Variants in DOCK9 observed in about 807,000 individuals in gnomAD.
DOCK9 encodes dedicator of cytokinesis protein 9.
Under a neutral mutation model 263.3 loss-of-function variants are expected in DOCK9, and 89 were observed. That is an observed-to-expected ratio of 0.34 (90% confidence interval 0.28 to 0.40). DOCK9 has a LOEUF of 0.40. DOCK9 is among the 10% of genes least tolerant of loss of function. The pLI is 1.00. For synonymous variants in DOCK9, 976 were observed against 973.1 expected, an observed-to-expected ratio of 1.00 and a Z score of -0.06; for missense variants, 2,140 against 2,603.4, an observed-to-expected ratio of 0.82 and a Z score of 3.87.
chr13:98,986,408 A>C (rs755026470), intron 1 of DOCK9, among the ~76,000 whole-genome samples: 4 of 152,250 alleles, frequency 2.6e-5, no homozygotes, highest in Non-Finnish European at 5.9e-5. Context: ...TTCTGCAAAA[A>C]GGAACACACT....
At chr13:98,833,635 T>C (rs746498882) in intron 39 of DOCK9, among the ~76,000 whole-genome samples, 4 of 152,246 alleles carry the variant, frequency 2.6e-5, no homozygotes, top group Admixed American at 1.3e-4. Context: ...ATTTACATTA[T>C]GTATCCCATA....
At position 99,029,997 on chromosome 13, in the gene DOCK9, G is replaced by T. The variant is rs117656837; in HGVS notation, c.129+56226C>A. 9.7e-3 allele frequency among the ~76,000 whole-genome samples: 1,483 copies of T among 152,332 alleles called. 14 individuals carry two copies. Among genetic ancestry groups the T allele is most frequent in the Non-Finnish European group, 0.017 (1,143 of 68,014 alleles). On this transcript the variant is annotated intron_variant, in intron 1 of 32. Coordinates refer to the DOCK9 transcript ENST00000427887. ...AGTACTGATACATGCTACAAGCACA[G>T]ATACATCTCAAAAGGGACCAGATGC...
intron 45 of DOCK9, among the ~76,000 whole-genome samples, chr13:98,812,985 A>T (rs1386751129): frequency 6.6e-6 from 1 of 152,242 alleles, no homozygotes; most frequent in African/African-American, 2.4e-5. Flanking sequence ...TTGTTTGAAT[A>T]AGATTAAATA....
In DOCK9 at chr13:99,072,753, C is replaced by A. The variant is rs532874522; in HGVS notation, c.129+13470G>T. Among the ~76,000 whole-genome samples, 11 of 152,208 alleles carry A rather than the reference C, an allele frequency of 7.2e-5. No homozygotes were observed. In the South Asian group the frequency reaches 2.3e-3, roughly 32 times the overall value. ...TGGTGGTACACATATGTAATCCTGGCACTTGGGACGCCGAGGCAGGAAGAT... is the reference window on the plus strand; with the variant it reads ...TGGTGGTACACATATGTAATCCTGGAACTTGGGACGCCGAGGCAGGAAGAT... On this transcript the variant is annotated intron_variant, in intron 1 of 32. Transcript: ENST00000427887.
chr13:98,963,100 C>T (rs1232010491), intron 1 of DOCK9, among the ~76,000 whole-genome samples: 4 of 152,146 alleles, frequency 2.6e-5, no homozygotes, highest in Non-Finnish European at 5.9e-5. Flanking sequence ...ACCGAGGCCC[C>T]GCCAGTCCCC....
chr13:98,815,102 T>G (rs940645750), intron 45 of DOCK9, among the ~76,000 whole-genome samples: 5 of 152,204 alleles, frequency 3.3e-5, no homozygotes, highest in Non-Finnish European at 7.3e-5. Flanking sequence ...GTACTTTTCT[T>G]AGTAATATTA....
intron 1 of DOCK9, among the ~76,000 whole-genome samples, chr13:99,027,055 T>C (rs1271285508): frequency 6.6e-6 from 1 of 152,168 alleles, no homozygotes; most frequent in East Asian, 1.9e-4. Context: ...AGTATCACTC[T>C]GTCGCCCAGG....
intron 1 of DOCK9, among the ~76,000 whole-genome samples, chr13:99,018,431 T>C (rs182678375): frequency 6.6e-6 from 1 of 152,350 alleles, no homozygotes; most frequent in African/African-American, 2.4e-5. Context: ...TCTAGAATAG[T>C]GGGACGAATA....
chr13:98,997,124 A>G (rs541228161), intron 1 of DOCK9, among the ~76,000 whole-genome samples: 48 of 152,354 alleles, frequency 3.2e-4, no homozygotes, highest in African/African-American at 1.0e-3. Context: ...TGTGTAGTCA[A>G]TGTGTGCAGC....
chr13:98,860,204 C>T, intron 33 of DOCK9: 1 of 1,421,888 alleles, frequency 7.0e-7, no homozygotes, highest in Non-Finnish European at 9.2e-7. Flanking sequence ...CCTGAGGAGT[C>T]ACAGGCATCC....
chr13:99,053,488 G>T (rs1272824366), intron 1 of DOCK9, among the ~76,000 whole-genome samples: 1 of 152,166 alleles, frequency 6.6e-6, no homozygotes, highest in Admixed American at 6.5e-5. Context: ...TTAATTAAAT[G>T]TAATTGAATT....
At chr13:99,067,445 G>C (rs563670387) in intron 1 of DOCK9, among the ~76,000 whole-genome samples, 2 of 152,302 alleles carry the variant, frequency 1.3e-5, no homozygotes, top group East Asian at 3.9e-4. Flanking sequence ...GCCCTGGCCT[G>C]AGAATGTGGA....
intron 1 of DOCK9, among the ~76,000 whole-genome samples, chr13:99,021,076 T>C (rs955037450): frequency 6.6e-6 from 1 of 152,244 alleles, no homozygotes; most frequent in African/African-American, 2.4e-5. Context: ...TAAGTTGGTC[T>C]CTCAATGCCT....
chr13:98,930,068 C>T, intron 3 of DOCK9, 100 bp downstream of exon 3: 3 of 1,052,304 alleles, frequency 2.9e-6, no homozygotes, highest in Non-Finnish European at 4.3e-6. Flanking sequence ...AATACAATTA[C>T]CCTTTTGACA....
intron 9 of DOCK9, among the ~76,000 whole-genome samples, chr13:98,913,323 G>A (rs1345420769): frequency 6.6e-6 from 1 of 152,068 alleles, no homozygotes; most frequent in East Asian, 1.9e-4. Context: ...AGTGCAAAGG[G>A]CTAGAGAAGA....
chr13:99,060,746 AG>A (rs937305265), intron 1 of DOCK9, among the ~76,000 whole-genome samples: 22 of 152,120 alleles, frequency 1.4e-4, no homozygotes, highest in African/African-American at 5.3e-4. Context: ...TATCCTGTCT[AG>A]GGTATCTTTG....
chr13:98,805,585 C>A (rs1373095571), intron 48 of DOCK9, among the ~76,000 whole-genome samples: 1 of 152,108 alleles, frequency 6.6e-6, no homozygotes, highest in East Asian at 1.9e-4. Flanking sequence ...TCCCTAATAC[C>A]ATCCAATACC....
At chr13:98,926,426 C>T (rs9584970) in intron 3 of DOCK9, among the ~76,000 whole-genome samples, 23,745 of 152,152 alleles carry the variant, frequency 0.16, 2,042 homozygotes, top group South Asian at 0.26. Context: ...TAGGAAGAAA[C>T]ATATGCATTC....
At chr13:99,080,270 C>T (rs1419342112) in intron 1 of DOCK9, among the ~76,000 whole-genome samples, 2 of 151,924 alleles carry the variant, frequency 1.3e-5, no homozygotes, top group Non-Finnish European at 2.9e-5. Flanking sequence ...TACACACACA[C>T]AGGCCTGTTA....
Sources: allele counts gnomAD v4.1 joint callset (sites outside exome capture counted in the v4.1 genomes callset), GRCh38; gene constraint gnomAD v4.1.1; transcripts MANE v1.5; gene names NCBI Gene and HGNC (gene_info 2026-07-23, HGNC 2026-07-21).